RGS22: variants seen among roughly 807,000 people sequenced by gnomAD.
RGS22 encodes the protein regulator of G protein signaling 22, also known as regulator of G-protein signaling 22.
Under a neutral mutation model 172.9 loss-of-function variants are expected in RGS22, and 148 were observed. That is an observed-to-expected ratio of 0.86 (90% CI 0.75 to 0.98). The LOEUF is 0.98. RGS22 is among the 50% of genes least tolerant of loss of function. The pLI, the probability that RGS22 is intolerant of heterozygous loss-of-function variation, is 0.00. For missense variants in RGS22, 1,347 were observed against 1,440.8 expected, an observed-to-expected ratio of 0.93 and a Z score of 1.05; for synonymous variants, 458 against 480.2, an observed-to-expected ratio of 0.95 and a Z score of 0.60.
At chr8:100,048,511 G>T (rs760065890) in intron 10 of RGS22, among the ~76,000 whole-genome samples, 25 of 151,930 alleles carry the variant, frequency 1.6e-4, no homozygotes, top group Non-Finnish European at 3.1e-4. Flanking sequence ...TATATACATT[G>T]CAAGAAAGCA....
chr8:100,103,254 G>A (rs948892893), intron 2 of RGS22, among the ~76,000 whole-genome samples: 7 of 152,306 alleles, frequency 4.6e-5, no homozygotes, highest in African/African-American at 1.7e-4. Flanking sequence ...ACTGGAGTTG[G>A]CAGAAGGAAT....
chr8:100,102,398 A>G (rs1448686523), intron 2 of RGS22, among the ~76,000 whole-genome samples: 2 of 152,204 alleles, frequency 1.3e-5, no homozygotes, highest in Non-Finnish European at 2.9e-5. Flanking sequence ...GAGTTTGGGG[A>G]ACTACAGGTC....
chr8:99,993,469 A>G (rs190276485), intron 20 of RGS22, among the ~76,000 whole-genome samples: 13 of 152,344 alleles, frequency 8.5e-5, no homozygotes, highest in African/African-American at 2.6e-4. Flanking sequence ...AACCACCATG[A>G]GAGAATACTA....
At chr8:100,096,185 A>T (rs970575234) in intron 2 of RGS22, among the ~76,000 whole-genome samples, 1 of 152,204 alleles carries the variant, frequency 6.6e-6, no homozygotes, top group South Asian at 2.1e-4. Flanking sequence ...GAGTTTCCAC[A>T]GTCCCATTAC....
chr8:100,088,619 A>C (rs2131963891), intron 3 of RGS22, among the ~76,000 whole-genome samples: 1 of 152,276 alleles, frequency 6.6e-6, no homozygotes, highest in African/African-American at 2.4e-5. Context: ...AAAGTGCTGC[A>C]ATCATTTATA....
chr8:100,087,764 A>G (rs1812268400), intron 3 of RGS22, among the ~76,000 whole-genome samples: 1 of 152,180 alleles, frequency 6.6e-6, no homozygotes, highest in African/African-American at 2.4e-5. Flanking sequence ...TCAGTTACCA[A>G]TAACAACTTC....
chr8:100,005,546 A>G (rs549638815), intron 16 of RGS22, among the ~76,000 whole-genome samples: 13 of 152,302 alleles, frequency 8.5e-5, no homozygotes, highest in African/African-American at 2.9e-4. Context: ...TTAATATCCT[A>G]ATCAATCCTA....
chr8:100,060,816 T>A (rs1810072636), intron 9 of RGS22, among the ~76,000 whole-genome samples: 1 of 152,088 alleles, frequency 6.6e-6, no homozygotes, highest in African/African-American at 2.4e-5. Context: ...TAGAAAAAAC[T>A]ATTTTAAAAT....
rs1241485763 is a variant in RGS22, at chr8:99,999,176, A to G, written c.2949+86T>C. 7 of 1,147,814 alleles carry G rather than the reference A, an allele frequency of 6.1e-6. No homozygotes were observed. In the East Asian group the frequency reaches 1.6e-4, roughly 26 times the overall value. 71.1% of individuals were successfully genotyped at this position (1,147,814 alleles called of 1,614,324 possible). On this transcript the variant is annotated intron_variant, in intron 19 of 27. Transcript: ENST00000360863. ...CATTCCTTAAAAAAAAAAAAAAAGG[A>G]CAATGGCTGGGTCACCAGGTATGTA...
chr8:99,985,884 T>A (rs930242926), intron 21 of RGS22, among the ~76,000 whole-genome samples: 2 of 152,200 alleles, frequency 1.3e-5, no homozygotes, highest in Non-Finnish European at 2.9e-5. Context: ...CATATTCATA[T>A]TAGCTTAAAG....
intron 2 of RGS22, among the ~76,000 whole-genome samples, chr8:100,094,859 C>T (rs1272570378): frequency 1.3e-5 from 2 of 152,162 alleles, no homozygotes; most frequent in African/African-American, 2.4e-5. Context: ...GGGTAGAAGG[C>T]ATTGTGCTAC....
intron 14 of RGS22, among the ~76,000 whole-genome samples, chr8:100,018,469 A>G (rs1817254888): frequency 6.6e-6 from 1 of 152,130 alleles, no homozygotes; most frequent in Non-Finnish European, 1.5e-5. Context: ...GGGGAAGAAA[A>G]TCTATATTTT....
At chr8:100,016,573 C>T (rs183600587) in intron 14 of RGS22, among the ~76,000 whole-genome samples, 44 of 152,080 alleles carry the variant, frequency 2.9e-4, no homozygotes, top group East Asian at 1.7e-3. Context: ...GTCAGGAGAT[C>T]GAGACCATCC....
chr8:100,055,074 G>A (rs1196634681), intron 9 of RGS22, among the ~76,000 whole-genome samples: 2 of 152,316 alleles, frequency 1.3e-5, no homozygotes, highest in African/African-American at 4.8e-5. Context: ...AGGGCCTGTG[G>A]GAACTTGCCA....
intron 4 of RGS22, among the ~76,000 whole-genome samples, chr8:100,079,925 A>T (rs1054632820): frequency 9.2e-5 from 14 of 152,208 alleles, no homozygotes; most frequent in Non-Finnish European, 1.6e-4. Flanking sequence ...AAGGTAAATT[A>T]TATGAATCTT....
At chr8:100,099,630 C>T (rs892094451) in intron 2 of RGS22, among the ~76,000 whole-genome samples, 3 of 152,140 alleles carry the variant, frequency 2.0e-5, no homozygotes, top group African/African-American at 7.2e-5. Context: ...TACTTATTTA[C>T]CAACTTATCA....
At chr8:99,962,595 T>C in intron 26 of RGS22, 92 bp downstream of exon 26, 2 of 1,425,470 alleles carry the variant, frequency 1.4e-6, no homozygotes, top group Non-Finnish European at 1.9e-6. Flanking sequence ...TCCTCACCCC[T>C]TCCTCCCTGT....
chr8:100,038,905 T>C (rs753349601), intron 14 of RGS22, 26 bp downstream of exon 14: 3 of 1,458,584 alleles, frequency 2.1e-6, no homozygotes, highest in East Asian at 2.3e-5. Flanking sequence ...GTGCTTCACA[T>C]TGAACCAATA....
chr8:99,988,928 T>C (rs1813396959), intron 20 of RGS22, among the ~76,000 whole-genome samples: 2 of 152,190 alleles, frequency 1.3e-5, no homozygotes, highest in Admixed American at 1.3e-4. Flanking sequence ...TGTATTAGAC[T>C]GGGACGTTTA....
Sources: gnomAD v4.1 joint callset for allele counts (sites outside exome capture counted in the v4.1 genomes callset) on GRCh38, gnomAD v4.1.1 for gene constraint, MANE v1.5 for transcripts, NCBI Gene and HGNC (gene_info 2026-07-23, HGNC 2026-07-21) for gene names.